The following EYS variants were observed in gnomAD, a reference collection of about 807,000 sequenced individuals.
The protein encoded by EYS is protein eyes shut homolog.
Under a neutral mutation model 282.1 loss-of-function variants are expected in EYS, and 250 were observed. That is an observed-to-expected ratio of 0.89 (90% CI 0.80 to 0.98). The LOEUF is 0.98. EYS is among the 50% of genes least tolerant of loss of function. The probability of loss-of-function intolerance (pLI) is 0.00; values close to 1 mark genes in which losing one functional copy is unlikely to be tolerated. For synonymous variants in EYS, 1,355 were observed against 1,282.9 expected (o/e 1.06, Z -1.20); for missense variants, 4,016 against 3,709.0 (o/e 1.08, Z -2.15).
intron 19 of EYS, among the ~76,000 whole-genome samples, chr6:64,872,509 A>T (rs1432152954): frequency 6.6e-6 from 1 of 152,022 alleles, no homozygotes; most frequent in African/African-American, 2.4e-5. Flanking sequence ...AAAGTTTCTG[A>T]CCACAACACA....
At chr6:64,016,086 C>A (rs1474402322) in intron 33 of EYS, among the ~76,000 whole-genome samples, 2 of 152,148 alleles carry the variant, frequency 1.3e-5, no homozygotes, top group African/African-American at 2.4e-5. Context: ...CTTTGGGCTG[C>A]TCTGTCCTGC....
At chr6:65,678,746 T>C (rs1424948202) in intron 1 of EYS, among the ~76,000 whole-genome samples, 1 of 150,744 alleles carries the variant, frequency 6.6e-6, no homozygotes, top group African/African-American at 2.4e-5. Context: ...ATGAGGAACT[T>C]GTAAAACTCA....
chr6:63,834,683 C>T (rs534505357), intron 36 of EYS, among the ~76,000 whole-genome samples: 1 of 151,296 alleles, frequency 6.6e-6, no homozygotes, highest in Admixed American at 6.6e-5. Context: ...ACCATTTGAC[C>T]CAGCCATCCC....
intron 13 of EYS, among the ~76,000 whole-genome samples, chr6:65,021,127 C>T (rs898626016): frequency 6.6e-5 from 10 of 152,154 alleles, no homozygotes; most frequent in Non-Finnish European, 1.5e-5. Context: ...CATTCTGCTC[C>T]TCATTACTTT....
intron 23 of EYS, among the ~76,000 whole-genome samples, chr6:64,622,657 T>C (rs554396811): frequency 5.5e-4 from 84 of 152,080 alleles, no homozygotes; most frequent in African/African-American, 2.0e-3. Context: ...AAGACAAGAG[T>C]ATTTTGATAA....
chr6:64,821,802 C>G lies in EYS; in HGVS notation c.3165-79G>C, dbSNP rs1353892225. The G allele has an allele frequency of 7.2e-6, 6 of 832,300 alleles. No individual in the cohort carries two copies. The African/African-American group carries it at 1.1e-4, about 15-fold the overall frequency. The allele number at this position is 832,300 out of a possible 1,614,324, so 51.6% of individuals were successfully genotyped here. A position where few individuals can be genotyped will look rare whatever the true frequency, so the allele number is the denominator to read the frequency against. On this transcript the variant is annotated intron_variant, in intron 20 of 42. Transcript: ENST00000503581. ...CTTCAAGGGAGTTTCACCATTTAAA[C>G]TTTTCTTTCCTAGTTCAGGTGAAAA...
At chr6:64,419,589 T>A (rs1481012608) in intron 28 of EYS, among the ~76,000 whole-genome samples, 1 of 152,174 alleles carries the variant, frequency 6.6e-6, no homozygotes, top group African/African-American at 2.4e-5. Context: ...GTAAAGGGAC[T>A]GGGTAAATAC....
intron 26 of EYS, among the ~76,000 whole-genome samples, chr6:64,455,182 G>A (rs908282831): frequency 1.3e-5 from 2 of 151,916 alleles, no homozygotes; most frequent in African/African-American, 2.4e-5. Flanking sequence ...AAAGTGTTAC[G>A]ATTATAGGCA....
intron 19 of EYS, among the ~76,000 whole-genome samples, chr6:64,842,503 A>T (rs1430798122): frequency 6.6e-6 from 1 of 152,000 alleles, no homozygotes. Context: ...AACAATTTGG[A>T]GAGCTCAGGA....
intron 28 of EYS, among the ~76,000 whole-genome samples, chr6:64,433,109 T>C (rs1483206818): frequency 6.6e-6 from 1 of 152,002 alleles, no homozygotes; most frequent in South Asian, 2.1e-4. Flanking sequence ...CCAGGTTACT[T>C]TTTCACAGAG....
intron 22 of EYS, among the ~76,000 whole-genome samples, chr6:64,676,351 T>TATATATATAG (rs1554192088): frequency 6.9e-6 from 1 of 145,462 alleles, no homozygotes; most frequent in Admixed American, 7.0e-5. Context: ...TATATATATA[T>TATATATATAG]AGAGAGAGAG....
At chr6:65,443,633 A>T (rs1188191496) in intron 5 of EYS, among the ~76,000 whole-genome samples, 1 of 146,050 alleles carries the variant, frequency 6.8e-6, no homozygotes, top group Non-Finnish European at 1.5e-5. Flanking sequence ...AAACATGTGT[A>T]GAGGCACATA....
chr6:64,640,605 A>G (rs1562106704), intron 22 of EYS, among the ~76,000 whole-genome samples: 1 of 151,840 alleles, frequency 6.6e-6, no homozygotes, highest in Non-Finnish European at 1.5e-5. Context: ...GCATTAGGAT[A>G]TATACCTGAT....
chr6:65,131,891 C>A (rs1272384394), intron 12 of EYS, among the ~76,000 whole-genome samples: 1 of 151,818 alleles, frequency 6.6e-6, no homozygotes, highest in Non-Finnish European at 1.5e-5. Flanking sequence ...GAGTTGTTAC[C>A]ACTGACCCCA....
chr6:64,465,950 A>T (rs981855730), intron 26 of EYS, among the ~76,000 whole-genome samples: 38 of 152,120 alleles, frequency 2.5e-4, no homozygotes, highest in Non-Finnish European at 4.3e-4. Context: ...AAAGGGCATG[A>T]ATAGACTCTT....
intron 13 of EYS, among the ~76,000 whole-genome samples, chr6:65,038,756 T>C (rs1386935731): frequency 6.6e-6 from 1 of 151,506 alleles, no homozygotes; most frequent in Non-Finnish European, 1.5e-5. Context: ...AATTTTTTTA[T>C]TAACTTTAGT....
chr6:64,948,615 TA>T (rs1253254970), intron 14 of EYS, among the ~76,000 whole-genome samples: 4 of 147,254 alleles, frequency 2.7e-5, no homozygotes, highest in African/African-American at 9.9e-5. Context: ...TAATATTAAA[TA>T]ATAGTAAATA....
At chr6:63,757,204 A>C (rs1336898732) in intron 41 of EYS, among the ~76,000 whole-genome samples, 1 of 152,024 alleles carries the variant, frequency 6.6e-6, no homozygotes, top group Non-Finnish European at 1.5e-5. Context: ...GACCCTGGGA[A>C]AGGCACGCAT....
chr6:64,098,339 C>T (rs895000476), intron 31 of EYS, among the ~76,000 whole-genome samples: 2 of 152,044 alleles, frequency 1.3e-5, no homozygotes, highest in African/African-American at 2.4e-5. Flanking sequence ...ATAACTTCTA[C>T]AAATATAAGT....
Sources: gnomAD v4.1 joint callset for allele counts (sites outside exome capture counted in the v4.1 genomes callset) on GRCh38, gnomAD v4.1.1 for gene constraint, MANE v1.5 for transcripts, NCBI Gene and HGNC (gene_info 2026-07-23, HGNC 2026-07-21) for gene names.